CLN6: variants seen among roughly 807,000 people sequenced by gnomAD.
The protein encoded by CLN6 is CLN6 transmembrane ER protein, also known as ceroid-lipofuscinosis neuronal protein 6.
In CLN6, 22 loss-of-function variants were observed where a neutral mutation model predicts 33.3. That is an observed-to-expected ratio of 0.66 (90% CI 0.47 to 0.94). CLN6 has a LOEUF of 0.94. CLN6 is among the 40% of genes least tolerant of loss of function. CLN6 has a pLI of 0.00. For missense variants in CLN6, 387 were observed against 417.1 expected, an observed-to-expected ratio of 0.93 and a Z score of 0.63; for synonymous variants, 201 against 174.6, an observed-to-expected ratio of 1.15 and a Z score of -1.19.
In CLN6 at chr15:68,229,718, G is replaced by A. The variant is rs1451847486; in HGVS notation, c.-134C>T. On this transcript the variant is annotated 5_prime_UTR_variant, in exon 1 of 7. Coordinates refer to ENST00000249806, the MANE Select transcript of CLN6 (RefSeq NM_017882.3). The stretch of plus-strand genomic sequence containing the variant: ...GGGCCGGCGAGAGCGCGCGGCCCTC[G>A]GGAGGAACAGGCGGGGCTGCGGACC... 8 of 581,582 alleles carry A rather than the reference G, an allele frequency of 1.4e-5. No individual in the cohort carries two copies. The highest frequency in any genetic ancestry group is 2.1e-5 in the Non-Finnish European group (8 of 386,516). 36.0% of individuals were successfully genotyped at this position (581,582 alleles called of 1,614,324 possible). A position where few individuals can be genotyped will look rare whatever the true frequency, so the allele number is the denominator to read the frequency against.
At chr15:68,214,492 C>CA (rs2093215310) in intron 2 of CLN6, 104 bp from the exon 3 acceptor site, 2 of 738,762 alleles carry the variant, frequency 2.7e-6, no homozygotes, top group South Asian at 2.9e-5. Context: ...ACTCCTTTCA[C>CA]CCCCCACCCC....
rs8037724 is a variant in CLN6 at position 68,227,517 on chromosome 15, G to A, written c.83+1985C>T. ...TGAGCAGCAATGATACTGGGAATGG[G>A]CTGAAGCCACATTGTGGGGGGCAGA... On this transcript the variant is annotated intron_variant, in intron 1 of 6. Transcript: ENST00000249806. This position sits in a 1 kb window ranked among gnomAD's most constrained non-coding sequence, Gnocchi z 4.1. Among the ~76,000 whole-genome samples the A allele has an allele frequency of 0.48, 72,324 of 151,962 alleles. 18,069 individuals are homozygous for A. The highest frequency in any genetic ancestry group is 0.56 in the Non-Finnish European group (37,827 of 67,920).
At chr15:68,229,441 G>T in intron 1 of CLN6, 61 bp downstream of exon 1, 2 of 1,294,090 alleles carry the variant, frequency 1.5e-6, no homozygotes, top group East Asian at 3.2e-5. Flanking sequence ...GTCACGTGGC[G>T]GGTCCCGAGG....
rs1006779661 is a variant in CLN6 at position 68,211,181 on chromosome 15, T to C, written c.542+82A>G. 11 of 1,203,218 alleles carry C rather than the reference T, an allele frequency of 9.1e-6. No individual in the cohort carries two copies. The highest frequency in any genetic ancestry group is 1.2e-5 in the Non-Finnish European group (10 of 805,108). The allele number at this position is 1,203,218 out of a possible 1,614,324, so 74.5% of individuals were successfully genotyped here. On this transcript the variant is annotated intron_variant, in intron 5 of 6. Coordinates refer to ENST00000249806, the MANE Select transcript of CLN6 (RefSeq NM_017882.3). This position sits in a 1 kb window ranked among gnomAD's most constrained non-coding sequence, Gnocchi z 5.9. ...ATGGAGACCCGCAGCCCAGACAGCCTTGCTCAGTGTGTCCCTGAGCCAGTG... is the reference window on the plus strand; with the variant it reads ...ATGGAGACCCGCAGCCCAGACAGCCCTGCTCAGTGTGTCCCTGAGCCAGTG...
At chr15:68,215,058 C>A (rs2093216907) in intron 2 of CLN6, 1 of 154,558 alleles carries the variant, frequency 6.5e-6, no homozygotes, top group African/African-American at 2.4e-5. Flanking sequence ...TGAGCCCTGG[C>A]CTTGTCCAGG....
chr15:68,236,953 C>T lies in CLN6; in HGVS notation c.180-18303G>A, dbSNP rs369273252. On this transcript the variant is annotated intron_variant, in intron 1 of 6. Transcript: ENST00000538696. The surrounding 1 kb of genome is among the most constrained non-coding windows in gnomAD (Gnocchi z 4.5). ...CGGGTGGATCATGAGGTCAGGAGAT[C>T]GAGACCATCCTGGCTAACAAGGTGA... is the stretch of plus-strand genomic sequence containing the variant. Among the ~76,000 whole-genome samples the T allele has an allele frequency of 1.2e-3, 174 of 148,738 alleles. 1 individual carries two copies. Among genetic ancestry groups the T allele is most frequent in the African/African-American group, 4.1e-3 (164 of 40,256 alleles).
Position 68,219,878 on chromosome 15 carries a change from C to T in CLN6, c.84-1228G>A, listed in dbSNP as rs575546332. Reference sequence around the variant, plus strand: ...TGTGCCAAGAACAGGCGCCATGGACCACAAATCTGTATTCCTCCAGAGTTC... The same window carrying T: ...TGTGCCAAGAACAGGCGCCATGGACTACAAATCTGTATTCCTCCAGAGTTC... On this transcript the variant is annotated intron_variant, in intron 1 of 6. Transcript: ENST00000249806. The surrounding 1 kb of genome is among the most constrained non-coding windows in gnomAD (Gnocchi z 4.2). 6.6e-5 allele frequency among the ~76,000 whole-genome samples: 10 copies of T among 152,300 alleles called. No individual in the cohort carries two copies. Among genetic ancestry groups the T allele is most frequent in the Middle Eastern group, 3.4e-3 (1 of 294 alleles).
At chr15:68,224,090 A>AAAAAATT (rs1044254557) in intron 1 of CLN6, among the ~76,000 whole-genome samples, 2 of 151,636 alleles carry the variant, frequency 1.3e-5, no homozygotes, top group Non-Finnish European at 2.9e-5. Context: ...AAACAACTCT[A>AAAAAATT]AAAAATTAAA....
chr15:68,248,667 A>C (rs1892349778), intron 1 of CLN6, among the ~76,000 whole-genome samples: 1 of 152,020 alleles, frequency 6.6e-6, no homozygotes, highest in South Asian at 2.1e-4. Flanking sequence ...AAAAAAAAAA[A>C]AAAATCTAAG....
Position 68,227,200 on chromosome 15 carries a change from G to A in CLN6, c.83+2302C>T, listed in dbSNP as rs952004572. Among the ~76,000 whole-genome samples, 3 of 151,834 alleles carry A rather than the reference G, an allele frequency of 2.0e-5. No individual in the cohort carries two copies. Among genetic ancestry groups the A allele is most frequent in the Non-Finnish European group, 2.9e-5 (2 of 68,002 alleles). On this transcript the variant is annotated intron_variant, in intron 1 of 6. Coordinates refer to ENST00000249806, the MANE Select transcript of CLN6 (RefSeq NM_017882.3). This position sits in a 1 kb window ranked among gnomAD's most constrained non-coding sequence, Gnocchi z 4.1. ...TTACAGGCATGGGCCATCACACCTG[G>A]ATAATTTTTGTATTTTTTAGTAGAG...
rs2093228823 is a variant in CLN6, at chr15:68,219,248, T to G, written c.84-598A>C. ...CCATAGTTGGGTCCATCAGGATTGGTCTATGGGATGGGCATGTGACCAGAG... is the reference window on the plus strand; with the variant it reads ...CCATAGTTGGGTCCATCAGGATTGGGCTATGGGATGGGCATGTGACCAGAG... On this transcript the variant is annotated intron_variant, in intron 1 of 6. Coordinates refer to ENST00000249806, the MANE Select transcript of CLN6 (RefSeq NM_017882.3). The surrounding 1 kb of genome is among the most constrained non-coding windows in gnomAD (Gnocchi z 4.2). Among the ~76,000 whole-genome samples, 2 of 152,172 alleles carry G rather than the reference T, an allele frequency of 1.3e-5. No homozygotes were observed. The highest frequency in any genetic ancestry group is 2.9e-5 in the Non-Finnish European group (2 of 68,032).
At chr15:68,218,283 C>T (rs2093226092) in intron 2 of CLN6, 1 of 424,790 alleles carries the variant, frequency 2.4e-6, no homozygotes, top group Non-Finnish European at 4.5e-6. Flanking sequence ...TACAGTATTA[C>T]AGTATGACTG....
upstream of CLN6, among the ~76,000 whole-genome samples, chr15:68,230,058 T>C (rs2093265712): frequency 6.6e-6 from 1 of 152,158 alleles, no homozygotes; most frequent in Non-Finnish European, 1.5e-5. The surrounding 1 kb of genome is among the most constrained non-coding windows in gnomAD (Gnocchi z 4.0). Flanking sequence ...GGATTTCCCT[T>C]GTTCTTACGG....
At chr15:68,231,725 C>CT (rs542298873), upstream of CLN6, among the ~76,000 whole-genome samples, 2 of 152,336 alleles carry the variant, frequency 1.3e-5, no homozygotes, top group African/African-American at 4.8e-5. Context: ...ACACATCTGC[C>CT]TTTTTTCTGG....
chr15:68,229,422 C>G, intron 1 of CLN6, 80 bp downstream of exon 1: 1 of 1,173,980 alleles, frequency 8.5e-7, no homozygotes, highest in Middle Eastern at 2.8e-4. Context: ...GCCCGGCAGC[C>G]CTAGGAGCGT....
At chr15:68,231,630 G>A (rs2093268830), upstream of CLN6, among the ~76,000 whole-genome samples, 1 of 151,988 alleles carries the variant, frequency 6.6e-6, no homozygotes, top group South Asian at 2.1e-4. Flanking sequence ...ATAACACTCA[G>A]AGGTGGGCTT....
chr15:68,211,206 G>T lies in CLN6; in HGVS notation c.542+57C>A. The T allele has an allele frequency of 6.8e-7, 1 of 1,471,438 alleles. No individual in the cohort carries two copies. The highest frequency in any genetic ancestry group is 9.5e-7 in the Non-Finnish European group (1 of 1,049,888). 91.1% of individuals were successfully genotyped at this position (1,471,438 alleles called of 1,614,324 possible). A position where few individuals can be genotyped will look rare whatever the true frequency, so the allele number is the denominator to read the frequency against. ...TTGCTCAGTGTGTCCCTGAGCCAGT[G>T]ACAGGGCTAGCCGGTAGTTGGGGCC... On this transcript the variant is annotated intron_variant, in intron 5 of 6. Transcript: ENST00000249806. This position sits in a 1 kb window ranked among gnomAD's most constrained non-coding sequence, Gnocchi z 5.9.
rs1274562752 is a variant in CLN6, at chr15:68,208,319, G to C, written c.757C>G (p.Leu253Val). The C allele has an allele frequency of 1.2e-6, 2 of 1,614,050 alleles. No individual in the cohort carries two copies. The highest frequency in any genetic ancestry group is 2.7e-5 in the African/African-American group (2 of 74,952). ...ALVLHQKRKRLFLDSNGLFLF... is the reference protein window; with the variant it reads ...ALVLHQKRKRVFLDSNGLFLF... ...AAGAGGCCGTTGCTGTCCAGGAAGA[G>C]GCGCTTGCGCTTCTGGTGCAGGACG... Residue 253 changes from leucine to valine, a missense_variant, in exon 7 of 7, where the codon CTC becomes GTC. Physicochemically the swap from Leu to Val is conservative, Grantham distance 32 (BLOSUM62 1). Coordinates refer to ENST00000249806, the MANE Select transcript of CLN6 (RefSeq NM_017882.3). This position sits in a 1 kb window ranked among gnomAD's most constrained non-coding sequence, Gnocchi z 5.8.
rs963609268 is a variant in CLN6 at position 68,227,909 on chromosome 15, A to G, written c.83+1593T>C. Among the ~76,000 whole-genome samples, 6 of 152,150 alleles carry G rather than the reference A, an allele frequency of 3.9e-5. No homozygotes were observed. The highest frequency in any genetic ancestry group is 1.4e-4 in the African/African-American group (6 of 41,434). On this transcript the variant is annotated intron_variant, in intron 1 of 6. Coordinates refer to ENST00000249806, the MANE Select transcript of CLN6 (RefSeq NM_017882.3). The surrounding 1 kb of genome is among the most constrained non-coding windows in gnomAD (Gnocchi z 4.1). ...CAGTTCAGGGCAGTCAGTGACCCCC[A>G]ACTTGGCAAGGATTCGGAACAGAGA...
Sources: allele counts gnomAD v4.1 joint callset (sites outside exome capture counted in the v4.1 genomes callset), GRCh38; gene constraint gnomAD v4.1.1; non-coding constraint Gnocchi (gnomAD v3.1); transcripts MANE v1.5; gene names NCBI Gene and HGNC (gene_info 2026-07-23, HGNC 2026-07-21).